The following CXADR variants were observed in gnomAD, a reference collection of about 807,000 sequenced individuals.
CXADR encodes coxsackievirus and adenovirus receptor.
A neutral mutation model predicts 40.3 loss-of-function variants in CXADR; 20 were observed. That is an observed-to-expected ratio of 0.50 (90% CI 0.35 to 0.72). The LOEUF is 0.72. Ranked by LOEUF, CXADR falls within the 30% of genes least tolerant of loss-of-function variation. CXADR has a pLI of 0.01. For missense variants in CXADR, 332 were observed against 449.1 expected (o/e 0.74, Z 2.36); for synonymous variants, 150 against 161.3 (o/e 0.93, Z 0.53).
chr21:17,558,222 G>A (rs571556849), intron 3 of CXADR, among the ~76,000 whole-genome samples: 1 of 151,934 alleles, frequency 6.6e-6, no homozygotes, highest in Non-Finnish European at 1.5e-5. Flanking sequence ...TCAAAATCCT[G>A]GTCTCAAGTC....
chr21:17,561,529 TC>T (rs1210617953), intron 6 of CXADR, 53 bp downstream of exon 6: 2 of 1,471,762 alleles, frequency 1.4e-6, no homozygotes, highest in East Asian at 4.8e-5. Context: ...ATGTCATTTC[TC>T]TAAAGCATTC....
chr21:17,601,160 C>G, the CXADR span, among the ~76,000 whole-genome samples: 5 of 146,908 alleles, frequency 3.4e-5, no homozygotes, highest in Admixed American at 3.4e-4. Flanking sequence ...GAGACTCCGT[C>G]TCAAAAAAAA....
Position 17,566,181 on chromosome 21 carries a change from T to C in CXADR, c.*489T>C. 1 of 984,356 alleles carries C rather than the reference T, an allele frequency of 1.0e-6. No homozygotes were observed. Among genetic ancestry groups the C allele is most frequent in the Non-Finnish European group, 1.2e-6 (1 of 828,914 alleles). 61.0% of individuals were successfully genotyped at this position (984,356 alleles called of 1,614,324 possible). ...AAAATTACTTACGTATGTTTGTACTTGGTTTTACAGCTCCTTTGAAAACTC... is the reference window on the plus strand; with the variant it reads ...AAAATTACTTACGTATGTTTGTACTCGGTTTTACAGCTCCTTTGAAAACTC... On this transcript the variant is annotated 3_prime_UTR_variant, in exon 7 of 7. Coordinates refer to ENST00000284878, the MANE Select transcript of CXADR (RefSeq NM_001338.5).
the CXADR span, among the ~76,000 whole-genome samples, chr21:17,627,622 A>G: frequency 2.6e-5 from 4 of 152,336 alleles, no homozygotes; most frequent in East Asian, 7.7e-4. Context: ...CAAAATATTT[A>G]AAAGTAAATA....
intron 7 of CXADR, among the ~76,000 whole-genome samples, chr21:17,587,486 G>A (rs1049415202): frequency 3.3e-5 from 5 of 152,132 alleles, no homozygotes; most frequent in African/African-American, 9.7e-5. Context: ...TTCTCTGATG[G>A]CCAGTGATGA....
chr21:17,549,291 G>T (rs935010032), intron 2 of CXADR, among the ~76,000 whole-genome samples: 7 of 152,318 alleles, frequency 4.6e-5, no homozygotes, highest in East Asian at 1.9e-4. Flanking sequence ...CAGCTGCTCT[G>T]TTATCATTTG....
chr21:17,543,760 T>C (rs929401908), intron 1 of CXADR, among the ~76,000 whole-genome samples: 1 of 152,226 alleles, frequency 6.6e-6, no homozygotes, highest in African/African-American at 2.4e-5. Flanking sequence ...TTGCAATTTA[T>C]TTCAGCCCTA....
At chr21:17,561,024 A>G (rs2061111676) in intron 5 of CXADR, among the ~76,000 whole-genome samples, 200 bp downstream of exon 5, 1 of 152,226 alleles carries the variant, frequency 6.6e-6, no homozygotes, top group African/African-American at 2.4e-5. Flanking sequence ...AGAAGGTAAG[A>G]GTTGTCAAAT....
chr21:17,530,382 G>C lies in CXADR; in HGVS notation c.44-16645G>C, dbSNP rs143120666. ...TTGTCTTATTTTACTTCTCATGTTG[G>C]TAAGATTATTCATGTTGTGTAGCTT... On this transcript the variant is annotated intron_variant, in intron 1 of 6. Transcript: ENST00000284878. 7.0e-3 allele frequency: 3,185 copies of C among 453,446 alleles called. 17 individuals carry two copies. Among genetic ancestry groups the C allele is most frequent in the Non-Finnish European group, 0.01 (2,348 of 225,810 alleles). The allele number at this position is 453,446 out of a possible 1,614,324, so 28.1% of individuals were successfully genotyped here.
the CXADR span, among the ~76,000 whole-genome samples, chr21:17,620,044 G>A: frequency 6.6e-6 from 1 of 152,122 alleles, no homozygotes; most frequent in Non-Finnish European, 1.5e-5. Flanking sequence ...GCAATATCAT[G>A]CTATCTTATC....
At chr21:17,591,975 T>C (rs2061440525) in intron 7 of CXADR, among the ~76,000 whole-genome samples, 1 of 151,980 alleles carries the variant, frequency 6.6e-6, no homozygotes, top group South Asian at 2.1e-4. Context: ...TCTTTTGCTC[T>C]AAATAAGTTT....
At chr21:17,618,861 C>A in the CXADR span, among the ~76,000 whole-genome samples, 1 of 152,162 alleles carries the variant, frequency 6.6e-6, no homozygotes, top group Non-Finnish European at 1.5e-5. Context: ...AATAATAAGA[C>A]TTGAAATTCT....
At chr21:17,600,712 T>C in the CXADR span, among the ~76,000 whole-genome samples, 1 of 152,024 alleles carries the variant, frequency 6.6e-6, no homozygotes, top group Non-Finnish European at 1.5e-5. Flanking sequence ...AAAATGTATG[T>C]GGAAATCTAG....
At chr21:17,535,129 T>A (rs185356151) in intron 1 of CXADR, among the ~76,000 whole-genome samples, 1 of 152,110 alleles carries the variant, frequency 6.6e-6, no homozygotes, top group Admixed American at 6.5e-5. Flanking sequence ...TTTTGACTAT[T>A]ATTGAGTGTG....
At chr21:17,546,589 A>T (rs866934730) in intron 1 of CXADR, among the ~76,000 whole-genome samples, 4 of 152,224 alleles carry the variant, frequency 2.6e-5, no homozygotes, top group Middle Eastern at 3.4e-3. Context: ...GCAAGGGGGA[A>T]ATCCACCCCC....
At chr21:17,560,529 A>G (rs556292355) in intron 4 of CXADR, among the ~76,000 whole-genome samples, 173 bp from the exon 5 acceptor site, 31 of 152,354 alleles carry the variant, frequency 2.0e-4, no homozygotes, top group South Asian at 4.1e-4. Flanking sequence ...AACTGGAAGC[A>G]TGATTGAATT....
At chr21:17,575,019 A>G (rs1601047601), downstream of CXADR, among the ~76,000 whole-genome samples, 1 of 151,082 alleles carries the variant, frequency 6.6e-6, no homozygotes, top group African/African-American at 2.5e-5. Context: ...ATACATACAT[A>G]CATACATACA....
Position 17,566,651 on chromosome 21 carries a change from T to TC in CXADR, c.*961dup. On this transcript the variant is annotated 3_prime_UTR_variant, in exon 7 of 7. Transcript: ENST00000284878. ...TCTAAATTTTAAGTGGTTCTTTGGT[T>TC]CCAGTGCTTTATGTTGTTGTTGTTT... 1 of 984,874 alleles carries TC rather than the reference T, an allele frequency of 1.0e-6. No individual in the cohort carries two copies. Among genetic ancestry groups the TC allele is most frequent in the Non-Finnish European group, 1.2e-6 (1 of 829,476 alleles). The allele number at this position is 984,874 out of a possible 1,614,324, so 61.0% of individuals were successfully genotyped here.
intron 3 of CXADR, among the ~76,000 whole-genome samples, chr21:17,557,900 G>A (rs887555397): frequency 2.6e-5 from 4 of 152,054 alleles, no homozygotes; most frequent in Admixed American, 2.6e-4. Context: ...TATTAAAAGT[G>A]ATCAGCCCAC....
Sources: gnomAD v4.1 joint callset for allele counts (sites outside exome capture counted in the v4.1 genomes callset) on GRCh38, gnomAD v4.1.1 for gene constraint, MANE v1.5 for transcripts, NCBI Gene and HGNC (gene_info 2026-07-23, HGNC 2026-07-21) for gene names.